Variants in CNTNAP2 observed in about 807,000 individuals in gnomAD.
CNTNAP2 encodes contactin-associated protein-like 2.
CNTNAP2 carries 98 observed loss-of-function variants against 155.2 expected under a neutral mutation model. That is an observed-to-expected ratio of 0.63 (90% CI 0.54 to 0.75). The LOEUF (loss-of-function observed/expected upper bound fraction) is 0.75, where lower values mean the gene tolerates loss of function less well. Among genes scored for constraint, CNTNAP2 ranks in the 30% least tolerant of loss-of-function variants. The pLI is 0.00. For missense variants in CNTNAP2, 1,727 were observed against 1,688.1 expected (o/e 1.02, Z -0.40); for synonymous variants, 651 against 631.2 (o/e 1.03, Z -0.47).
chr7:146,295,518 A>G (rs1176932729), intron 1 of CNTNAP2, among the ~76,000 whole-genome samples: 6 of 152,206 alleles, frequency 3.9e-5, no homozygotes, highest in Admixed American at 1.3e-4. Flanking sequence ...TTTAAGAGAT[A>G]AAACAATTAA....
At chr7:147,421,573 T>A (rs1219257236) in intron 10 of CNTNAP2, among the ~76,000 whole-genome samples, 1 of 94,670 alleles carries the variant, frequency 1.1e-5, no homozygotes, top group Non-Finnish European at 2.1e-5. Context: ...TGTCCTGGTA[T>A]GTCTATCTAA....
At chr7:148,384,359 T>C (rs1264661796) in intron 22 of CNTNAP2, among the ~76,000 whole-genome samples, 3 of 152,210 alleles carry the variant, frequency 2.0e-5, no homozygotes, top group African/African-American at 7.2e-5. Context: ...GCCTTTAAGC[T>C]TGCAAAACTC....
At chr7:147,170,480 T>A (rs1376085558) in intron 8 of CNTNAP2, among the ~76,000 whole-genome samples, 1 of 152,070 alleles carries the variant, frequency 6.6e-6, no homozygotes, top group Non-Finnish European at 1.5e-5. Flanking sequence ...GGGCAGGTGT[T>A]GGGCAGGGGG....
chr7:148,285,044 C>T (rs1490861612), intron 21 of CNTNAP2, among the ~76,000 whole-genome samples: 1 of 152,160 alleles, frequency 6.6e-6, no homozygotes, highest in Non-Finnish European at 1.5e-5. Flanking sequence ...AAGAATTATT[C>T]ACCTCTTAAA....
rs371102940 is a variant in CNTNAP2, at chr7:147,905,959, G to A, written c.2255+2238G>A. 1.3e-4 allele frequency among the ~76,000 whole-genome samples: 19 copies of A among 151,960 alleles called. No homozygotes were observed. In the East Asian group the frequency reaches 1.4e-3, roughly 11 times the overall value. ...AAATTTTCAATCTAACTGGAGGAGT[G>A]AAGGAAGGAATCCATAACGTCTTGG... On this transcript the variant is annotated intron_variant, in intron 14 of 23. Coordinates refer to ENST00000361727, the MANE Select transcript of CNTNAP2 (RefSeq NM_014141.6).
intron 10 of CNTNAP2, among the ~76,000 whole-genome samples, chr7:147,437,560 T>A (rs1797572266): frequency 6.6e-6 from 1 of 152,174 alleles, no homozygotes; most frequent in Non-Finnish European, 1.5e-5. Flanking sequence ...TTGATCTGTT[T>A]GTCCACTTGA....
intron 21 of CNTNAP2, among the ~76,000 whole-genome samples, chr7:148,302,953 G>A (rs998925664): frequency 6.7e-6 from 1 of 150,224 alleles, no homozygotes; most frequent in African/African-American, 2.4e-5. Context: ...TGAGTAGCTT[G>A]GATTACAGGC....
At chr7:147,797,427 GA>G (rs968430636) in intron 13 of CNTNAP2, among the ~76,000 whole-genome samples, 1 of 152,016 alleles carries the variant, frequency 6.6e-6, no homozygotes, top group African/African-American at 2.4e-5. Context: ...CTAAAAATGG[GA>G]AGTATTTAAG....
At chr7:146,311,979 G>C (rs929637611) in intron 1 of CNTNAP2, among the ~76,000 whole-genome samples, 1 of 152,096 alleles carries the variant, frequency 6.6e-6, no homozygotes, top group Non-Finnish European at 1.5e-5. Context: ...ATTGATCAAA[G>C]TCTGGTTAGT....
Position 148,061,838 on chromosome 7 carries a change from GATAGTTAGATAAATAGAT to G in CNTNAP2, c.2384-56275_2384-56258del, listed in dbSNP as rs1283383950. Among the ~76,000 whole-genome samples, 37 of 150,428 alleles carry G rather than the reference GATAGTTAGATAAATAGAT, an allele frequency of 2.5e-4. 2 individuals carry two copies. The highest frequency in any genetic ancestry group is 6.6e-4 in the African/African-American group (27 of 40,872). On this transcript the variant is annotated intron_variant, in intron 15 of 23. Coordinates refer to ENST00000361727, the MANE Select transcript of CNTNAP2 (RefSeq NM_014141.6). The stretch of plus-strand genomic sequence containing the variant: ...TGTGTGTGTGTAGTCTAGATACCTA[GATAGTTAGATAAATAGAT>G]ATAGATAGATAGATAAACAGATATA...
chr7:147,249,479 A>G (rs2116655218), intron 8 of CNTNAP2, among the ~76,000 whole-genome samples: 1 of 152,118 alleles, frequency 6.6e-6, no homozygotes, highest in East Asian at 1.9e-4. Flanking sequence ...CCTCTTCTCA[A>G]TATAATCCAA....
At chr7:147,345,472 G>A (rs760183752) in intron 9 of CNTNAP2, among the ~76,000 whole-genome samples, 3 of 151,934 alleles carry the variant, frequency 2.0e-5, no homozygotes, top group South Asian at 2.1e-4. Context: ...ATATGTCTTC[G>A]CATTTGTAGA....
chr7:147,101,958 C>T (rs1045063303), intron 4 of CNTNAP2, among the ~76,000 whole-genome samples: 54 of 152,102 alleles, frequency 3.6e-4, no homozygotes, highest in African/African-American at 1.1e-3. Flanking sequence ...GGCTTGAGGG[C>T]GGAGCCTTTG....
chr7:146,559,501 G>C (rs538365773), intron 1 of CNTNAP2, among the ~76,000 whole-genome samples: 1 of 151,916 alleles, frequency 6.6e-6, no homozygotes, highest in African/African-American at 2.4e-5. Context: ...CCGGGAGTGC[G>C]GAGGATGCAG....
intron 3 of CNTNAP2, among the ~76,000 whole-genome samples, chr7:147,018,003 C>G (rs2129245622): frequency 6.6e-6 from 1 of 152,090 alleles, no homozygotes; most frequent in East Asian, 1.9e-4. Flanking sequence ...ATTTATTAGT[C>G]TTCTGTAAGC....
intron 4 of CNTNAP2, among the ~76,000 whole-genome samples, chr7:147,083,982 A>G (rs10252071): frequency 3.8e-5 from 5 of 132,160 alleles, no homozygotes; most frequent in Non-Finnish European, 6.1e-5. Flanking sequence ...GTATACACAT[A>G]TATGTATATA....
At chr7:147,424,492 G>T (rs1797346835) in intron 10 of CNTNAP2, among the ~76,000 whole-genome samples, 2 of 152,020 alleles carry the variant, frequency 1.3e-5, no homozygotes, top group Non-Finnish European at 1.5e-5. Context: ...TAAACCTACT[G>T]TTCCTTCTCA....
intron 14 of CNTNAP2, among the ~76,000 whole-genome samples, chr7:147,943,766 CAAAAAAAAAAAA>C (rs144842680): frequency 7.0e-4 from 28 of 40,168 alleles, no homozygotes; most frequent in South Asian, 4.2e-3. Context: ...GACCCCGTCT[CAAAAAAAAAAAA>C]AAAAAAAAAA....
At chr7:146,789,196 T>A (rs531662236) in intron 2 of CNTNAP2, among the ~76,000 whole-genome samples, 41 of 152,338 alleles carry the variant, frequency 2.7e-4, no homozygotes, top group Admixed American at 8.5e-4. Flanking sequence ...GTATTTGAAA[T>A]TAAGTCTTCT....
Sources: gnomAD v4.1 joint callset for allele counts (sites outside exome capture counted in the v4.1 genomes callset) on GRCh38, gnomAD v4.1.1 for gene constraint, MANE v1.5 for transcripts, NCBI Gene and HGNC (gene_info 2026-07-23, HGNC 2026-07-21) for gene names.